The following BTN2A2 variants were observed in gnomAD, a reference collection of about 807,000 sequenced individuals.
The protein encoded by BTN2A2 is butyrophilin 2.
A neutral mutation model predicts 34.7 loss-of-function variants in BTN2A2; 29 were observed. That is an observed-to-expected ratio of 0.84 (90% CI 0.62 to 1.14). The LOEUF is 1.14. BTN2A2 is among the 50% of genes most tolerant of loss of function. The pLI is 0.00. For missense variants in BTN2A2, 612 were observed against 651.5 expected, an observed-to-expected ratio of 0.94 and a Z score of 0.66; for synonymous variants, 240 against 253.1, an observed-to-expected ratio of 0.95 and a Z score of 0.49.
intron 5 of BTN2A2, 114 bp downstream of exon 5, chr6:26,390,325 G>A (rs377391282): frequency 2.4e-5 from 27 of 1,109,258 alleles, no homozygotes; most frequent in East Asian, 7.7e-5. Flanking sequence ...CACAGGTACC[G>A]GCTTAGGGAA....
intron 3 of BTN2A2, among the ~76,000 whole-genome samples, chr6:26,386,274 C>CT (rs1176767366): frequency 1.3e-5 from 2 of 152,010 alleles, no homozygotes; most frequent in African/African-American, 4.8e-5. Context: ...ACTGGGATTT[C>CT]TAATAGTTTG....
At chr6:26,388,792 T>C (rs1761374640) in intron 4 of BTN2A2, among the ~76,000 whole-genome samples, 1 of 152,212 alleles carries the variant, frequency 6.6e-6, no homozygotes, top group Non-Finnish European at 1.5e-5. Flanking sequence ...GAACAAAATA[T>C]ATCAAAATTT....
intron 7 of BTN2A2, 92 bp from the exon 8 acceptor site, chr6:26,392,283 T>A (rs767997892): frequency 1.3e-6 from 2 of 1,597,574 alleles, no homozygotes; most frequent in Non-Finnish European, 8.5e-7. Context: ...GGGAACCCCC[T>A]TCAGCTTTCT....
chr6:26,390,623 C>T, intron 5 of BTN2A2, 64 bp from the exon 6 acceptor site: 3 of 1,607,692 alleles, frequency 1.9e-6, no homozygotes, highest in Non-Finnish European at 2.6e-6. Flanking sequence ...TTGTTTAATA[C>T]AAGCTCAATT....
chr6:26,386,650 C>T (rs1224986597), intron 3 of BTN2A2, among the ~76,000 whole-genome samples: 1 of 152,192 alleles, frequency 6.6e-6, no homozygotes, highest in African/African-American at 2.4e-5. Flanking sequence ...TCTGTAAAAC[C>T]AACCCTGTCC....
chr6:26,383,877 T>G lies in BTN2A2; in HGVS notation c.56T>G (p.Leu19Arg), dbSNP rs1233525656. The G allele has an allele frequency of 1.2e-6, 2 of 1,614,100 alleles. No homozygotes were observed. The highest frequency in any genetic ancestry group is 3.3e-5 in the Admixed American group (2 of 60,020). ...CTGCCAGCCTCCCTCCTCCTCCTCC[T>G]GCTCCTCCTCCTTCTCAGCCTGTGT... ...FSLPASLLLL[L>R]LLLLLSLCAL... is the part of the protein sequence containing the mutation. Residue 19 changes from leucine (L) to arginine (R), a missense_variant, in exon 2 of 8, where the codon CTG (leucine) becomes CGG (arginine). Leu to Arg is a moderately radical substitution (Grantham distance 102, BLOSUM62 -2). Transcript: ENST00000356709. This position sits in a 1 kb window ranked among gnomAD's most constrained non-coding sequence, Gnocchi z 4.4.
At chr6:26,388,444 C>T (rs1796518) in intron 4 of BTN2A2, 150 bp downstream of exon 4, 277,433 of 841,382 alleles carry the variant, frequency 0.33, 48,508 homozygotes, top group Non-Finnish European at 0.35. Flanking sequence ...AGACGTCTCC[C>T]CTCCTCACAA....
rs1397031207 is a variant in BTN2A2 at position 26,393,608 on chromosome 6, T to G, written c.*641T>G. ...GATGAATGAAGAACATGGACTCATG[T>G]GGATGTGGTTTGGCTCAGATGTCCC... On this transcript the variant is annotated 3_prime_UTR_variant, in exon 8 of 8. Coordinates refer to ENST00000356709, the MANE Select transcript of BTN2A2 (RefSeq NM_006995.5). The G allele has an allele frequency of 1.3e-5, 13 of 1,002,202 alleles. No homozygotes were observed. The highest frequency in any genetic ancestry group is 1.5e-5 in the Non-Finnish European group (13 of 840,332). The allele number at this position is 1,002,202 out of a possible 1,614,324, so 62.1% of individuals were successfully genotyped here.
chr6:26,391,867 C>T lies in BTN2A2; in HGVS notation c.980-508C>T, dbSNP rs369846008. 6.5e-4 allele frequency: 139 copies of T among 214,442 alleles called. 1 individual carries two copies. In the South Asian group the frequency reaches 0.011, roughly 17 times the overall value. 13.3% of individuals were successfully genotyped at this position (214,442 alleles called of 1,614,324 possible). A position where few individuals can be genotyped will look rare whatever the true frequency, so the allele number is the denominator to read the frequency against. On this transcript the variant is annotated intron_variant, in intron 7 of 7. Coordinates refer to ENST00000356709, the MANE Select transcript of BTN2A2 (RefSeq NM_006995.5). Reference sequence around the variant, plus strand: ...CTTGTCAGCCACTTAAATCAGTTGTCACCTATTAAAACAACCTATAGGACC... The same window carrying T: ...CTTGTCAGCCACTTAAATCAGTTGTTACCTATTAAAACAACCTATAGGACC...
intron 7 of BTN2A2, chr6:26,392,014 G>A: frequency 1.7e-6 from 1 of 603,142 alleles, no homozygotes; most frequent in East Asian, 2.8e-5. Context: ...AAGCCAAGTT[G>A]GAAAGTTTCT....
At chr6:26,387,355 C>T (rs1473880264) in intron 3 of BTN2A2, among the ~76,000 whole-genome samples, 3 of 152,168 alleles carry the variant, frequency 2.0e-5, no homozygotes, top group East Asian at 3.8e-4. Context: ...ACCATCACCT[C>T]CTATGGAGGT....
chr6:26,388,000 T>C lies in BTN2A2; in HGVS notation c.443-13T>C. 1 of 1,603,960 alleles carries C rather than the reference T, an allele frequency of 6.2e-7. No homozygotes were observed. Among genetic ancestry groups the C allele is most frequent in the Non-Finnish European group, 8.5e-7 (1 of 1,173,140 alleles). Reference sequence around the variant, plus strand: ...CCACTGCCTTTTGGCTGAGCCCTGGTCTCCCTTTCCAGGCCTTGGGTCTAA... The same window carrying C: ...CCACTGCCTTTTGGCTGAGCCCTGGCCTCCCTTTCCAGGCCTTGGGTCTAA... On this transcript the variant is annotated splice_polypyrimidine_tract_variant and intron_variant, in intron 3 of 7. Coordinates refer to ENST00000356709, the MANE Select transcript of BTN2A2 (RefSeq NM_006995.5).
At chr6:26,389,335 A>C (rs2113755610) in intron 4 of BTN2A2, among the ~76,000 whole-genome samples, 1 of 152,278 alleles carries the variant, frequency 6.6e-6, no homozygotes, top group East Asian at 1.9e-4. Context: ...ATGGAAATTG[A>C]GCAATCAAGA....
intron 4 of BTN2A2, among the ~76,000 whole-genome samples, chr6:26,389,211 A>G (rs565045520): frequency 6.6e-6 from 1 of 152,382 alleles, no homozygotes; most frequent in Admixed American, 6.5e-5. Context: ...TATATATTCT[A>G]TCACATGGTG....
chr6:26,393,187 G>A lies in BTN2A2; in HGVS notation c.*220G>A. The A allele has an allele frequency of 6.4e-7, 1 of 1,557,580 alleles. No homozygotes were observed. The highest frequency in any genetic ancestry group is 8.7e-7 in the Non-Finnish European group (1 of 1,155,318). On this transcript the variant is annotated 3_prime_UTR_variant, in exon 8 of 8. Coordinates refer to ENST00000356709, the MANE Select transcript of BTN2A2 (RefSeq NM_006995.5). The stretch of plus-strand genomic sequence containing the variant: ...TTCCTTTGCTTGTAATTATGGGATG[G>A]GATCCAGGCATAGGGAACTAGTTGT...
intron 7 of BTN2A2, chr6:26,392,086 C>T: frequency 2.6e-6 from 2 of 783,874 alleles, no homozygotes; most frequent in Non-Finnish European, 4.0e-6. Flanking sequence ...TCTTAGAATG[C>T]TGAGAAAAAC....
chr6:26,389,963 T>C (rs1391385598), intron 4 of BTN2A2, 42 bp from the exon 5 acceptor site: 1 of 1,594,642 alleles, frequency 6.3e-7, no homozygotes, highest in Non-Finnish European at 8.6e-7. Flanking sequence ...CATCCAGATG[T>C]TCTATTTCAA....
At position 26,383,782 on chromosome 6, in the gene BTN2A2, G is replaced by C; in HGVS notation, c.-30-10G>C. ...ACTCCTAGGCTGATTCTCCTCCTCTGTAACCCTAGGCCTCTGGTCTCTGCC... is the reference window on the plus strand; with the variant it reads ...ACTCCTAGGCTGATTCTCCTCCTCTCTAACCCTAGGCCTCTGGTCTCTGCC... On this transcript the variant is annotated splice_polypyrimidine_tract_variant and intron_variant, in intron 1 of 7. Transcript: ENST00000356709. This position sits in a 1 kb window ranked among gnomAD's most constrained non-coding sequence, Gnocchi z 4.4. The C allele has an allele frequency of 6.3e-7, 1 of 1,593,742 alleles. No individual in the cohort carries two copies. Among genetic ancestry groups the C allele is most frequent in the Non-Finnish European group, 8.6e-7 (1 of 1,161,732 alleles).
chr6:26,388,046 C>G lies in BTN2A2; in HGVS notation c.476C>G (p.Ala159Gly). 6.2e-7 allele frequency: 1 copy of G among 1,613,938 alleles called. No homozygotes were observed. Among genetic ancestry groups the G allele is most frequent in the Non-Finnish European group, 8.5e-7 (1 of 1,179,924 alleles). The change falls in exon 4 of 8, where the codon GCC (alanine) becomes GGC (glycine). Residue 159 changes from alanine (A) to glycine (G), a missense_variant. By Grantham distance (60) the Ala-to-Gly change is moderately conservative (BLOSUM62 0). Coordinates refer to ENST00000356709, the MANE Select transcript of BTN2A2 (RefSeq NM_006995.5). ...LGSKPLIEIK[A>G]QEDGSIWLEC... ...TCTAAGCCCCTCATTGAAATCAAGG[C>G]CCAAGAGGATGGGAGCATCTGGCTG...
Sources: gnomAD v4.1 joint callset for allele counts (sites outside exome capture counted in the v4.1 genomes callset) on GRCh38, gnomAD v4.1.1 for gene constraint, Gnocchi (gnomAD v3.1) non-coding constraint, MANE v1.5 for transcripts, NCBI Gene and HGNC (gene_info 2026-07-23, HGNC 2026-07-21) for gene names.